Variants in CNTN4 observed in about 807,000 individuals in gnomAD.
CNTN4 encodes the protein contactin-4.
CNTN4 carries 77 observed loss-of-function variants against 122.5 expected under a neutral mutation model. That is an observed-to-expected ratio of 0.63 (90% CI 0.52 to 0.76). CNTN4 has a LOEUF of 0.76. Ranked by LOEUF, CNTN4 falls within the 30% of genes least tolerant of loss-of-function variation. The pLI is 0.00. For missense variants in CNTN4, 1,256 were observed against 1,259.1 expected (o/e 1.00, Z 0.04); for synonymous variants, 512 against 447.0 (o/e 1.15, Z -1.83).
chr3:2,164,265 T>C (rs942792341), intron 2 of CNTN4, among the ~76,000 whole-genome samples: 1 of 151,604 alleles, frequency 6.6e-6, no homozygotes, highest in Non-Finnish European at 1.5e-5. Context: ...TACCCTTTAG[T>C]AGAGATAGTA....
In CNTN4 at chr3:2,220,771, C is replaced by T. The variant is rs528328988; in HGVS notation, c.-144-118407C>T. On this transcript the variant is annotated intron_variant, in intron 2 of 24. Transcript: ENST00000418658. ...GAAAGTACTCAATAAATGCCAATTA[C>T]CATCAACAGATAGTAATAACTGTTA... 2.4e-4 allele frequency among the ~76,000 whole-genome samples: 37 copies of T among 152,156 alleles called. No individual in the cohort carries two copies. The South Asian group carries it at 6.8e-3, about 28-fold the overall frequency.
chr3:2,515,626 C>G (rs750220226), intron 3 of CNTN4, among the ~76,000 whole-genome samples: 1 of 151,936 alleles, frequency 6.6e-6, no homozygotes, highest in Non-Finnish European at 1.5e-5. Flanking sequence ...TTCTTGTAAT[C>G]TTAGGATTGC....
intron 2 of CNTN4, among the ~76,000 whole-genome samples, chr3:2,129,134 C>T (rs2034323291): frequency 2.0e-5 from 3 of 152,018 alleles, no homozygotes. Flanking sequence ...CAAAATTTCA[C>T]CAACTTTATG....
chr3:2,864,465 G>A (rs1055182299), intron 7 of CNTN4, among the ~76,000 whole-genome samples: 7 of 152,022 alleles, frequency 4.6e-5, no homozygotes, highest in African/African-American at 1.2e-4. Context: ...CTAGCCAGGC[G>A]CGGTGGCTCA....
At chr3:2,652,173 G>T (rs146259873) in intron 4 of CNTN4, among the ~76,000 whole-genome samples, 28 of 152,138 alleles carry the variant, frequency 1.8e-4, no homozygotes, top group Non-Finnish European at 2.9e-4. Flanking sequence ...AGTGAACTAT[G>T]ATTACACCAC....
At chr3:2,574,569 A>C (rs1187132169) in intron 4 of CNTN4, among the ~76,000 whole-genome samples, 2 of 152,184 alleles carry the variant, frequency 1.3e-5, no homozygotes, top group African/African-American at 4.8e-5. Context: ...TTTTCAAATA[A>C]ACCAAAACTA....
At chr3:2,343,398 C>A (rs1161511676) in intron 3 of CNTN4, among the ~76,000 whole-genome samples, 2 of 152,120 alleles carry the variant, frequency 1.3e-5, no homozygotes, top group Non-Finnish European at 2.9e-5. Flanking sequence ...TCTAATTTGC[C>A]CCCTCCTGCA....
chr3:2,816,682 G>A (rs868213359), intron 6 of CNTN4, among the ~76,000 whole-genome samples: 18 of 151,510 alleles, frequency 1.2e-4, no homozygotes, highest in South Asian at 2.1e-4. Context: ...TTAGCTGGGC[G>A]TGGTGGTGCA....
intron 4 of CNTN4, among the ~76,000 whole-genome samples, chr3:2,669,318 G>A (rs982320758): frequency 2.0e-5 from 3 of 152,156 alleles, no homozygotes; most frequent in African/African-American, 7.2e-5. Context: ...GTTTAGTCTT[G>A]GGAGGGTGTA....
At chr3:2,108,231 T>C (rs2032623461) in intron 2 of CNTN4, among the ~76,000 whole-genome samples, 1 of 151,754 alleles carries the variant, frequency 6.6e-6, no homozygotes, top group Non-Finnish European at 1.5e-5. Context: ...TTACTGTCCT[T>C]GTCTACTGTG....
chr3:2,437,779 T>A (rs2048306847), intron 3 of CNTN4, among the ~76,000 whole-genome samples: 1 of 152,192 alleles, frequency 6.6e-6, no homozygotes, highest in African/African-American at 2.4e-5. Flanking sequence ...CGCCAATATC[T>A]TTGAAGATTC....
In CNTN4 at chr3:3,037,322, G is replaced by A; in HGVS notation, c.2086G>A (p.Glu696Lys). ...CCCCTCAGAGAAACGGAGAACAGAAGAAGCTCGTGAGTAGCACCCGAGATT... is the reference window on the plus strand; with the variant it reads ...CCCCTCAGAGAAACGGAGAACAGAAAAAGCTCGTGAGTAGCACCCGAGATT... Reference protein sequence around the residue: ...SRPSEKRRTEEALPEVTPANV... With the variant: ...SRPSEKRRTEKALPEVTPANV... Residue 696 changes from glutamate to lysine, a missense_variant, in exon 18 of 25, where the codon GAA becomes AAA. Physicochemically the swap from Glu to Lys is moderately conservative, Grantham distance 56. Transcript: ENST00000418658. 1 of 1,614,192 alleles carries A rather than the reference G, an allele frequency of 6.2e-7. No homozygotes were observed. The highest frequency in any genetic ancestry group is 8.5e-7 in the Non-Finnish European group (1 of 1,180,038).
At chr3:2,416,106 A>G (rs1232533245) in intron 3 of CNTN4, among the ~76,000 whole-genome samples, 1 of 148,726 alleles carries the variant, frequency 6.7e-6, no homozygotes, top group Non-Finnish European at 1.5e-5. Flanking sequence ...TGAACAATCT[A>G]GGGAAGCAAG....
Position 2,849,060 on chromosome 3 carries a change from A to C in CNTN4, c.455-17692A>C, listed in dbSNP as rs566746282. Among the ~76,000 whole-genome samples, 4 of 152,370 alleles carry C rather than the reference A, an allele frequency of 2.6e-5. No homozygotes were observed. The South Asian group carries it at 8.3e-4, about 32-fold the overall frequency. ...TTATTGTAAAGTAGGGTTGCACCCCAGGATCCCATCCCGAAGAGTTATTTC... is the reference window on the plus strand; with the variant it reads ...TTATTGTAAAGTAGGGTTGCACCCCCGGATCCCATCCCGAAGAGTTATTTC... On this transcript the variant is annotated intron_variant, in intron 7 of 24. Coordinates refer to ENST00000418658, the MANE Select transcript of CNTN4 (RefSeq NM_175607.3).
chr3:2,238,191 AAAT>A (rs1301250260), intron 2 of CNTN4, among the ~76,000 whole-genome samples: 3 of 152,172 alleles, frequency 2.0e-5, no homozygotes, highest in Non-Finnish European at 4.4e-5. Flanking sequence ...TTAAATAAGT[AAAT>A]AATTATATGG....
At chr3:2,512,269 C>CT (rs113937442) in intron 3 of CNTN4, among the ~76,000 whole-genome samples, 50,031 of 151,798 alleles carry the variant, frequency 0.33, 9,198 homozygotes, top group African/African-American at 0.49. Context: ...TGTATATCTC[C>CT]TTTTTTATGA....
At chr3:2,464,218 A>C (rs1029718313) in intron 3 of CNTN4, among the ~76,000 whole-genome samples, 2 of 152,194 alleles carry the variant, frequency 1.3e-5, no homozygotes, top group African/African-American at 4.8e-5. Flanking sequence ...TGCCAAACAT[A>C]ACACACTACT....
chr3:2,839,610 T>C (rs562430637), intron 7 of CNTN4, among the ~76,000 whole-genome samples: 9 of 152,316 alleles, frequency 5.9e-5, no homozygotes, highest in African/African-American at 2.2e-4. Flanking sequence ...AGGACTGCAC[T>C]GCAGTTGAAT....
chr3:2,248,710 C>T (rs539181528), intron 2 of CNTN4, among the ~76,000 whole-genome samples: 1 of 152,112 alleles, frequency 6.6e-6, no homozygotes, highest in South Asian at 2.1e-4. Flanking sequence ...GCACTCTCTT[C>T]CGTTAATACT....
Sources: allele counts gnomAD v4.1 joint callset (sites outside exome capture counted in the v4.1 genomes callset), GRCh38; gene constraint gnomAD v4.1.1; transcripts MANE v1.5; gene names NCBI Gene and HGNC (gene_info 2026-07-23, HGNC 2026-07-21).